The following SNUPN variants were observed in gnomAD, a reference collection of about 807,000 sequenced individuals.
SNUPN encodes snurportin 1.
SNUPN carries 31 observed loss-of-function variants against 39.2 expected under a neutral mutation model. The observed-to-expected ratio is 0.79, with a 90% CI of 0.59 to 1.07. The LOEUF is 1.07. SNUPN is among the 50% of genes least tolerant of loss of function. SNUPN has a pLI of 0.00. For missense variants in SNUPN, 382 were observed against 434.2 expected, an observed-to-expected ratio of 0.88 and a Z score of 1.07; for synonymous variants, 132 against 159.0, an observed-to-expected ratio of 0.83 and a Z score of 1.28.
chr15:75,608,168 G>T (rs904502700), intron 5 of SNUPN, among the ~76,000 whole-genome samples: 1 of 152,118 alleles, frequency 6.6e-6, no homozygotes, highest in African/African-American at 2.4e-5. Context: ...ATGGCTTTGA[G>T]CCCAGGAGTT....
At chr15:75,624,838 T>G (rs1177539060) in intron 1 of SNUPN, 1 of 662,302 alleles carries the variant, frequency 1.5e-6, no homozygotes, top group Non-Finnish European at 2.2e-6. Flanking sequence ...AGTGGCATGA[T>G]CTCGGCTCAC....
At chr15:75,603,286 A>ACCAGGAGACC (rs1339726288) in intron 7 of SNUPN, among the ~76,000 whole-genome samples, 339 of 144,760 alleles carry the variant, frequency 2.3e-3, no homozygotes, top group African/African-American at 8.3e-3. Context: ...TGACCTCGTG[A>ACCAGGAGACC]TTCGCCTGTC....
intron 3 of SNUPN, among the ~76,000 whole-genome samples, chr15:75,616,465 G>GA (rs936220785): frequency 2.7e-4 from 40 of 148,776 alleles, no homozygotes; most frequent in Admixed American, 2.0e-4. Flanking sequence ...TCTCAAAAAA[G>GA]AAAAAAAAAG....
At chr15:75,601,880 TC>T (rs138734399) in intron 7 of SNUPN, among the ~76,000 whole-genome samples, 1 of 145,730 alleles carries the variant, frequency 6.9e-6, no homozygotes, top group Non-Finnish European at 1.6e-5. Flanking sequence ...CAATCTTTCC[TC>T]CCCCTTTTTT....
At chr15:75,608,450 G>A (rs752702406) in intron 5 of SNUPN, among the ~76,000 whole-genome samples, 1 of 152,186 alleles carries the variant, frequency 6.6e-6, no homozygotes, top group Non-Finnish European at 1.5e-5. Context: ...GCCTGAGCAG[G>A]TAGAGAAGAA....
rs1892806035 is a variant in SNUPN, at chr15:75,612,382, T to C, written c.304-2388A>G. Among the ~76,000 whole-genome samples, 5 of 152,128 alleles carry C rather than the reference T, an allele frequency of 3.3e-5. 1 individual carries two copies. The South Asian group carries it at 1.0e-3, about 31-fold the overall frequency. Reference sequence around the variant, plus strand: ...CCACTCTACTCCTCGCCTTACGTAATGCTACCAGCCACATCTCCCTTCCTG... The same window carrying C: ...CCACTCTACTCCTCGCCTTACGTAACGCTACCAGCCACATCTCCCTTCCTG... On this transcript the variant is annotated intron_variant, in intron 3 of 8. Coordinates refer to ENST00000308588, the MANE Select transcript of SNUPN (RefSeq NM_005701.4).
intron 2 of SNUPN, among the ~76,000 whole-genome samples, chr15:75,617,950 AT>A (rs1218931324): frequency 6.6e-6 from 1 of 152,146 alleles, no homozygotes; most frequent in Non-Finnish European, 1.5e-5. Context: ...AAAGCTCCAA[AT>A]TTGGGAGCAA....
At position 75,609,576 on chromosome 15, in the gene SNUPN, G is replaced by T. The variant is rs555036576; in HGVS notation, c.484C>A (p.Arg162=). 33 of 1,613,404 alleles carry T rather than the reference G, an allele frequency of 2.0e-5. 1 individual carries two copies. The South Asian group carries it at 3.3e-4, about 16-fold the overall frequency. The change falls in exon 5 of 9, where the codon CGA becomes AGA. Residue 162 remains arginine (R), a synonymous_variant. Coordinates refer to ENST00000308588, the MANE Select transcript of SNUPN (RefSeq NM_005701.4). ...FSSLLPGGNR[R]NSTAKDYTIL... ...TAGGTACCTTTTGCTGTTGAGTTTC[G>T]CCTGTTGCCTCCTGGCAGAAGTGAA...
At chr15:75,606,467 A>T (rs2075331847) in intron 6 of SNUPN, among the ~76,000 whole-genome samples, 1 of 151,984 alleles carries the variant, frequency 6.6e-6, no homozygotes, top group African/African-American at 2.4e-5. Flanking sequence ...ACTATGATAA[A>T]CTAATTGACA....
intron 5 of SNUPN, among the ~76,000 whole-genome samples, chr15:75,607,857 A>C (rs1892673266): frequency 6.6e-6 from 1 of 152,158 alleles, no homozygotes; most frequent in South Asian, 2.1e-4. Context: ...GATGCCATAC[A>C]AATAGTCTTC....
chr15:75,609,334 T>A (rs113402390), intron 5 of SNUPN, among the ~76,000 whole-genome samples: 5 of 151,072 alleles, frequency 3.3e-5, no homozygotes, highest in African/African-American at 9.7e-5. Flanking sequence ...GGACTACAGG[T>A]GCCCACCACC....
intron 1 of SNUPN, among the ~76,000 whole-genome samples, chr15:75,623,271 C>T (rs1020476551): frequency 6.6e-6 from 1 of 151,504 alleles, no homozygotes; most frequent in Non-Finnish European, 1.5e-5. Context: ...CAGCCTCCCG[C>T]GTAGCTGGGA....
rs766818168 is a variant in SNUPN at position 75,607,361 on chromosome 15, G to A, written c.503-48C>T. ...CAGCACAGAGTTCTTCTTCCAACCA[G>A]GTTCCCTCCACCACAACCTAGGGAG... On this transcript the variant is annotated intron_variant, in intron 5 of 8. Coordinates refer to ENST00000308588, the MANE Select transcript of SNUPN (RefSeq NM_005701.4). The A allele has an allele frequency of 4.5e-6, 6 of 1,326,480 alleles. No homozygotes were observed. In the South Asian group the frequency reaches 7.0e-5, roughly 16 times the overall value. 82.2% of individuals were successfully genotyped at this position (1,326,480 alleles called of 1,614,324 possible). A position where few individuals can be genotyped will look rare whatever the true frequency, so the allele number is the denominator to read the frequency against.
intron 2 of SNUPN, among the ~76,000 whole-genome samples, chr15:75,618,961 C>A (rs1028175075): frequency 1.4e-5 from 2 of 142,990 alleles, no homozygotes; most frequent in Non-Finnish European, 3.0e-5. Context: ...TATAGAATTT[C>A]TCCCCCAAAA....
At chr15:75,610,816 T>C (rs148282183) in intron 3 of SNUPN, among the ~76,000 whole-genome samples, 3 of 152,214 alleles carry the variant, frequency 2.0e-5, no homozygotes, top group East Asian at 3.9e-4. Flanking sequence ...AAAACAGTGA[T>C]GTGGTGAAAT....
At chr15:75,619,888 A>G (rs1893026565) in intron 2 of SNUPN, among the ~76,000 whole-genome samples, 1 of 151,986 alleles carries the variant, frequency 6.6e-6, no homozygotes, top group African/African-American at 2.4e-5. Context: ...AGCTGGGACT[A>G]CAGGCACGCA....
chr15:75,602,525 CAAA>C (rs530791161), intron 7 of SNUPN, among the ~76,000 whole-genome samples: 5 of 121,254 alleles, frequency 4.1e-5, no homozygotes, highest in Admixed American at 8.8e-5. Flanking sequence ...GACTCGGTCT[CAAA>C]AAAAAAAAAA....
chr15:75,599,763 C>T (rs1207259945), intron 8 of SNUPN, among the ~76,000 whole-genome samples: 1 of 152,060 alleles, frequency 6.6e-6, no homozygotes, highest in East Asian at 1.9e-4. Flanking sequence ...TTTGCCATTT[C>T]CTTATTTGGG....
rs1347376231 is a variant in SNUPN, at chr15:75,623,695, T to G, written c.-6+1971A>C. ...CCTGACCTGAAGTGATCTGCCTGCC[T>G]CAGCCTCCCAAAGTGCTGGAATTAC... On this transcript the variant is annotated intron_variant, in intron 1 of 8. Coordinates refer to ENST00000308588, the MANE Select transcript of SNUPN (RefSeq NM_005701.4). 2.0e-5 allele frequency among the ~76,000 whole-genome samples: 3 copies of G among 152,238 alleles called. No individual in the cohort carries two copies. The East Asian group carries it at 5.8e-4, about 29-fold the overall frequency.
Sources: gnomAD v4.1 joint callset for allele counts (sites outside exome capture counted in the v4.1 genomes callset) on GRCh38, gnomAD v4.1.1 for gene constraint, MANE v1.5 for transcripts, NCBI Gene and HGNC (gene_info 2026-07-23, HGNC 2026-07-21) for gene names.